Variants in KCNB2 observed in about 807,000 individuals in gnomAD.
The protein encoded by KCNB2 is potassium voltage-gated channel subfamily B member 2, also known as delayed rectifier potassium channel protein.
A neutral mutation model predicts 61.5 loss-of-function variants in KCNB2; 15 were observed. That is an observed-to-expected ratio of 0.24 (90% CI 0.16 to 0.38). The LOEUF (loss-of-function observed/expected upper bound fraction) is 0.38, where lower values mean the gene tolerates loss of function less well. KCNB2 is among the 10% of genes least tolerant of loss of function. The pLI, the probability that KCNB2 is intolerant of heterozygous loss-of-function variation, is 1.00. For missense variants in KCNB2, 828 were observed against 1,125.2 expected, an observed-to-expected ratio of 0.74 and a Z score of 3.78; for synonymous variants, 457 against 446.0, an observed-to-expected ratio of 1.02 and a Z score of -0.31.
intron 2 of KCNB2, among the ~76,000 whole-genome samples, chr8:72,579,842 A>G (rs913266610): frequency 3.3e-5 from 5 of 152,160 alleles, no homozygotes; most frequent in East Asian, 1.9e-4. Flanking sequence ...TCTGAGACCA[A>G]TTCTTTTCTA....
chr8:72,883,507 A>G (rs1334246184), intron 2 of KCNB2, among the ~76,000 whole-genome samples: 1 of 152,208 alleles, frequency 6.6e-6, no homozygotes, highest in Admixed American at 6.5e-5. Flanking sequence ...GAGTTATTCC[A>G]GATCTATAGA....
At chr8:72,900,382 C>A (rs771716602) in intron 2 of KCNB2, among the ~76,000 whole-genome samples, 4 of 152,050 alleles carry the variant, frequency 2.6e-5, no homozygotes, top group Non-Finnish European at 5.9e-5. Context: ...AGAACTCAAA[C>A]AATAAAAATC....
intron 2 of KCNB2, among the ~76,000 whole-genome samples, chr8:72,711,411 T>C (rs1229946320): frequency 2.6e-5 from 4 of 152,206 alleles, no homozygotes; most frequent in Non-Finnish European, 5.9e-5. Context: ...TCTCTCCCGC[T>C]GTGGCCTGTG....
chr8:72,737,250 C>T lies in KCNB2; in HGVS notation c.579+168937C>T, dbSNP rs1026771625. On this transcript the variant is annotated intron_variant, in intron 2 of 2. Transcript: ENST00000523207. ...GCAAATAATTTCTGAACTAAATAAA[C>T]AGCAATGTACTTGCCTTCCAACTAA... Among the ~76,000 whole-genome samples the T allele has an allele frequency of 2.6e-5, 4 of 152,224 alleles. No individual in the cohort carries two copies. In the South Asian group the frequency reaches 8.3e-4, roughly 32 times the overall value.
intron 2 of KCNB2, among the ~76,000 whole-genome samples, chr8:72,596,804 C>A (rs1002346999): frequency 6.6e-6 from 1 of 152,056 alleles, no homozygotes; most frequent in Non-Finnish European, 1.5e-5. Context: ...TTGCCATGAA[C>A]TTTGGCTACT....
chr8:72,887,939 C>T (rs967978283), intron 2 of KCNB2, among the ~76,000 whole-genome samples: 3 of 152,240 alleles, frequency 2.0e-5, no homozygotes, highest in Non-Finnish European at 2.9e-5. Flanking sequence ...AAGGGTGTTA[C>T]TTGGAAGATA....
chr8:72,663,916 A>G (rs929924996), intron 2 of KCNB2, among the ~76,000 whole-genome samples: 6 of 152,200 alleles, frequency 3.9e-5, no homozygotes, highest in Admixed American at 6.5e-5. Context: ...GTGTAACATC[A>G]TTGCCTCCTT....
intron 2 of KCNB2, among the ~76,000 whole-genome samples, chr8:72,834,751 G>GAT (rs1428433868): frequency 6.6e-6 from 1 of 152,156 alleles, no homozygotes; most frequent in African/African-American, 2.4e-5. Flanking sequence ...GAAATGAAGT[G>GAT]ATATTCTGCT....
At chr8:72,584,984 C>T (rs930497452) in intron 2 of KCNB2, among the ~76,000 whole-genome samples, 2 of 152,182 alleles carry the variant, frequency 1.3e-5, no homozygotes, top group Non-Finnish European at 2.9e-5. Context: ...CCTCACCTTG[C>T]TGAATATGGC....
intron 2 of KCNB2, among the ~76,000 whole-genome samples, chr8:72,838,071 A>T (rs1240311571): frequency 1.3e-5 from 2 of 152,188 alleles, no homozygotes; most frequent in Non-Finnish European, 2.9e-5. Flanking sequence ...AATATTCATT[A>T]ACAAAGTATT....
intron 2 of KCNB2, among the ~76,000 whole-genome samples, chr8:72,726,475 T>G (rs887321381): frequency 6.6e-6 from 1 of 152,366 alleles, no homozygotes. Context: ...TGTGCAGTCA[T>G]TCTTTAGCAG....
At chr8:72,931,230 A>G (rs7004996) in intron 2 of KCNB2, among the ~76,000 whole-genome samples, 64,503 of 151,530 alleles carry the variant, frequency 0.43, 15,158 homozygotes, top group East Asian at 0.89. Context: ...GTCAGGTAGC[A>G]TGATGCCTCA....
intron 1 of KCNB2, among the ~76,000 whole-genome samples, chr8:72,542,175 T>G (rs961819481): frequency 6.6e-6 from 1 of 152,162 alleles, no homozygotes; most frequent in African/African-American, 2.4e-5. Flanking sequence ...CAACTTCTGT[T>G]TATGTGAACA....
intron 2 of KCNB2, among the ~76,000 whole-genome samples, chr8:72,804,424 G>A (rs550411516): frequency 6.6e-6 from 1 of 152,200 alleles, no homozygotes; most frequent in African/African-American, 2.4e-5. Flanking sequence ...TGGTCATTTG[G>A]AAATAGGATC....
intron 2 of KCNB2, among the ~76,000 whole-genome samples, chr8:72,818,671 C>T (rs879445067): frequency 6.6e-6 from 1 of 151,996 alleles, no homozygotes; most frequent in Non-Finnish European, 1.5e-5. Flanking sequence ...TTTTCTTATT[C>T]ATCTGCTAAT....
At chr8:72,617,419 G>A (rs1269259118) in intron 2 of KCNB2, among the ~76,000 whole-genome samples, 1 of 152,080 alleles carries the variant, frequency 6.6e-6, no homozygotes, top group Non-Finnish European at 1.5e-5. Flanking sequence ...GCGGGGATTT[G>A]GCACCCAAAT....
At chr8:72,677,177 G>C (rs766572331) in intron 2 of KCNB2, among the ~76,000 whole-genome samples, 1 of 152,164 alleles carries the variant, frequency 6.6e-6, no homozygotes, top group Non-Finnish European at 1.5e-5. Flanking sequence ...CAGGAAGCTA[G>C]GAGACAGGCC....
At chr8:72,549,117 G>T (rs1165785804) in intron 1 of KCNB2, among the ~76,000 whole-genome samples, 1 of 152,124 alleles carries the variant, frequency 6.6e-6, no homozygotes, top group African/African-American at 2.4e-5. Flanking sequence ...TAACATTCTG[G>T]CTCTTTGCAA....
intron 2 of KCNB2, among the ~76,000 whole-genome samples, chr8:72,682,260 T>C (rs1459787919): frequency 6.6e-6 from 1 of 152,144 alleles, no homozygotes; most frequent in Admixed American, 6.5e-5. Flanking sequence ...TAGCATAGTC[T>C]CCTGAAAAGC....
Sources: allele counts gnomAD v4.1 joint callset (sites outside exome capture counted in the v4.1 genomes callset), GRCh38; gene constraint gnomAD v4.1.1; transcripts MANE v1.5; gene names NCBI Gene and HGNC (gene_info 2026-07-23, HGNC 2026-07-21).